Variants in AFF4 observed in about 807,000 individuals in gnomAD.
AFF4 encodes ALF transcription elongation factor 4, also known as AF4/FMR2 family member 4.
AFF4 carries 13 observed loss-of-function variants against 124.8 expected under a neutral mutation model. That is an observed-to-expected ratio of 0.10 (90% CI 0.07 to 0.17). The LOEUF is 0.17. Ranked by LOEUF, AFF4 falls within the 10% of genes least tolerant of loss-of-function variation. The probability of loss-of-function intolerance (pLI) is 1.00; values close to 1 mark genes in which losing one functional copy is unlikely to be tolerated. For missense variants in AFF4, 1,092 were observed against 1,403.8 expected, an observed-to-expected ratio of 0.78 and a Z score of 3.55; for synonymous variants, 477 against 496.1, an observed-to-expected ratio of 0.96 and a Z score of 0.51.
intron 1 of AFF4, among the ~76,000 whole-genome samples, chr5:132,959,734 TAAC>T (rs550360493): frequency 5.8e-4 from 86 of 148,800 alleles, no homozygotes; most frequent in African/African-American, 1.6e-3. Flanking sequence ...TATAGGGAGT[TAAC>T]AACAAGTAGG....
chr5:132,908,445 T>C (rs1055468013), intron 5 of AFF4, among the ~76,000 whole-genome samples: 1 of 152,042 alleles, frequency 6.6e-6, no homozygotes, highest in Non-Finnish European at 1.5e-5. Context: ...AGTAACAAAA[T>C]TTCAGTCCTA....
At chr5:132,950,839 A>AT (rs1267300898) in intron 1 of AFF4, among the ~76,000 whole-genome samples, 4 of 152,078 alleles carry the variant, frequency 2.6e-5, no homozygotes, top group Non-Finnish European at 1.5e-5. Flanking sequence ...AGCAGTTGCG[A>AT]TTTTTTCTCC....
At chr5:132,956,647 A>AG (rs1196717321) in intron 1 of AFF4, among the ~76,000 whole-genome samples, 4 of 151,506 alleles carry the variant, frequency 2.6e-5, no homozygotes, top group East Asian at 1.9e-4. Context: ...AAAAAAAAAA[A>AG]AGAGAGAGCG....
intron 10 of AFF4, 69 bp from the exon 11 acceptor site, chr5:132,897,309 A>G (rs987869585): frequency 3.3e-6 from 5 of 1,511,946 alleles, no homozygotes; most frequent in African/African-American, 2.8e-5. Flanking sequence ...CTCCTTTACA[A>G]CCTCAAAGAA....
chr5:132,887,914 T>C lies in AFF4; in HGVS notation c.2865A>G (p.Ala955=), dbSNP rs1248973012. The C allele has an allele frequency of 1.9e-6, 3 of 1,613,768 alleles. No homozygotes were observed. Among genetic ancestry groups the C allele is most frequent in the African/African-American group, 2.7e-5 (2 of 74,920 alleles). Residue 955 remains alanine (A), a synonymous_variant, in exon 16 of 21, where the codon GCA becomes GCG. Coordinates refer to ENST00000265343, the MANE Select transcript of AFF4 (RefSeq NM_014423.4). ...AVVSFIECGN[A]LEKNAQESKS... ...TGGATTCCTGAGCATTCTTCTCTAA[T>C]GCATTCCCACATTCAATGAAAGATA...
chr5:132,928,755 G>A (rs1761236609), intron 4 of AFF4, among the ~76,000 whole-genome samples: 1 of 152,158 alleles, frequency 6.6e-6, no homozygotes, highest in African/African-American at 2.4e-5. Flanking sequence ...AGACAAATCA[G>A]TCTACGTCCT....
In AFF4 at chr5:132,877,123, A is replaced by G. The variant is rs983293459; in HGVS notation, c.*3936T>C. 2.4e-5 allele frequency: 5 copies of G among 205,644 alleles called. No homozygotes were observed. Among genetic ancestry groups the G allele is most frequent in the African/African-American group, 6.8e-5 (3 of 43,824 alleles). 12.7% of individuals were successfully genotyped at this position (205,644 alleles called of 1,614,324 possible). On this transcript the variant is annotated 3_prime_UTR_variant, in exon 21 of 21. Coordinates refer to ENST00000265343, the MANE Select transcript of AFF4 (RefSeq NM_014423.4). The stretch of plus-strand genomic sequence containing the variant: ...GGGTTTGAAATGCTCTGTCTCCCCA[A>G]GTTACTTAGGTTTTTTAAAAAACAT...
chr5:132,898,588 A>G (rs1760471317), intron 9 of AFF4, among the ~76,000 whole-genome samples, 196 bp from the exon 10 acceptor site: 1 of 151,912 alleles, frequency 6.6e-6, no homozygotes, highest in South Asian at 2.1e-4. Context: ...GGTTCAAGCA[A>G]TTCTCCTGTC....
rs751603797 is a variant in AFF4, at chr5:132,884,940, T to C, written c.3143+136A>G. The C allele has an allele frequency of 5.2e-6, 3 of 573,788 alleles. No homozygotes were observed. In the South Asian group the frequency reaches 6.6e-5, roughly 13 times the overall value. The allele number at this position is 573,788 out of a possible 1,614,324, so 35.5% of individuals were successfully genotyped here. A position where few individuals can be genotyped will look rare whatever the true frequency, so the allele number is the denominator to read the frequency against. ...CCTAAAAAATACAGAGAAAAAATTA[T>C]AACTTCTAAAAATATTTTATCAGAG... On this transcript the variant is annotated intron_variant, in intron 19 of 20. Coordinates refer to ENST00000265343, the MANE Select transcript of AFF4 (RefSeq NM_014423.4).
At position 132,936,266 on chromosome 5, in the gene AFF4, CAAAAAAAAAAA is replaced by C. The variant is rs747936348; in HGVS notation, c.123+790_123+800del. Among the ~76,000 whole-genome samples, 134 of 45,458 alleles carry C rather than the reference CAAAAAAAAAAA, an allele frequency of 2.9e-3. 1 individual carries two copies. Among genetic ancestry groups the C allele is most frequent in the African/African-American group, 0.01 (117 of 11,328 alleles). The allele number at this position is 45,458 out of a possible 152,430, so 29.8% of individuals were successfully genotyped here. On this transcript the variant is annotated intron_variant, in intron 2 of 20. Coordinates refer to ENST00000265343, the MANE Select transcript of AFF4 (RefSeq NM_014423.4). ...TGGGCGACAGAGCAAGACTCCGTCT[CAAAAAAAAAAA>C]AAAAAAAAAAAAAAAATTAACTTCC... is the stretch of plus-strand genomic sequence containing the variant.
At chr5:132,910,878 G>A (rs954791607) in intron 5 of AFF4, among the ~76,000 whole-genome samples, 2 of 152,138 alleles carry the variant, frequency 1.3e-5, no homozygotes, top group Admixed American at 1.3e-4. Flanking sequence ...CAAGAACACT[G>A]CTGGAGGTTG....
chr5:132,927,032 G>T lies in AFF4; in HGVS notation c.1050+89C>A. 5 of 1,076,442 alleles carry T rather than the reference G, an allele frequency of 4.6e-6. No individual in the cohort carries two copies. In the Admixed American group the frequency reaches 9.1e-5, roughly 20 times the overall value. 66.7% of individuals were successfully genotyped at this position (1,076,442 alleles called of 1,614,324 possible). On this transcript the variant is annotated intron_variant, in intron 5 of 20. Transcript: ENST00000265343. ...TACTGTCTGTCTCCCACTAGAATAG[G>T]AATGGCAAGACAATTTTTAATCCAT...
intron 1 of AFF4, among the ~76,000 whole-genome samples, chr5:132,960,233 A>C (rs1248345205): frequency 2.0e-5 from 3 of 152,214 alleles, no homozygotes; most frequent in African/African-American, 7.2e-5. Context: ...GGAATGGGTA[A>C]AACATAATAA....
At chr5:132,888,234 T>G (rs1207430490) in intron 14 of AFF4, 74 bp from the exon 15 acceptor site, 3 of 1,161,624 alleles carry the variant, frequency 2.6e-6, no homozygotes, top group Non-Finnish European at 3.6e-6. Context: ...GTATCTAGTA[T>G]CCCTCAGTTT....
chr5:132,939,843 ACATCAGGTGATCTGCCTGCCTTGGCCTCT>A (rs1229059221), intron 1 of AFF4, among the ~76,000 whole-genome samples: 2 of 152,224 alleles, frequency 1.3e-5, no homozygotes, highest in African/African-American at 4.8e-5. Context: ...CAAACTCCAG[ACATCAGGTGATCTGCCTGCCTTGGCCTCT>A]CAAAGTGCTG....
At chr5:132,916,068 A>G (rs2150085336) in intron 5 of AFF4, among the ~76,000 whole-genome samples, 1 of 151,714 alleles carries the variant, frequency 6.6e-6, no homozygotes, top group East Asian at 1.9e-4. Flanking sequence ...AACACTGGGA[A>G]ACCCTGTCTC....
At position 132,896,423 on chromosome 5, in the gene AFF4, G is replaced by T. The variant is rs771044846; in HGVS notation, c.2207C>A (p.Pro736Gln). Reference sequence around the variant, plus strand: ...CACATTTTTCTTTTCCCCCTTGGGCGGCTCTGTTTCTTTGTAAGGCTTTCC... The same window carrying T: ...CACATTTTTCTTTTCCCCCTTGGGCTGCTCTGTTTCTTTGTAAGGCTTTCC... ...IPGKPYKETE[P>Q]PKGEKKNVPE... Residue 736 changes from proline (P) to glutamine (Q), a missense_variant, in exon 11 of 21, where the codon CCG becomes CAG. Physicochemically the swap from Pro to Gln is moderately conservative, Grantham distance 76. Coordinates refer to ENST00000265343, the MANE Select transcript of AFF4 (RefSeq NM_014423.4). The T allele has an allele frequency of 4.3e-6, 7 of 1,614,000 alleles. No individual in the cohort carries two copies. Among genetic ancestry groups the T allele is most frequent in the Non-Finnish European group, 5.9e-6 (7 of 1,180,016 alleles).
chr5:132,961,276 A>T (rs1200316716), intron 1 of AFF4, among the ~76,000 whole-genome samples: 1 of 152,054 alleles, frequency 6.6e-6, no homozygotes, highest in Non-Finnish European at 1.5e-5. Context: ...CAGCCTCTGG[A>T]GTAGCTGGGA....
Position 132,932,199 on chromosome 5 carries a change from G to A in AFF4, c.942C>T (p.Ser314=). ...TTACTTTTAGGATTTCATCCACACA[G>A]CTCACATCACCAGAAGCTGATGCCT... The part of the protein sequence containing the change: ...PLDASASGDV[S]CVDEILKEMT... Residue 314 remains serine, a synonymous_variant, in exon 4 of 21, where the codon AGC becomes AGT. Transcript: ENST00000265343. 1.9e-6 allele frequency: 3 copies of A among 1,605,652 alleles called. No homozygotes were observed. Among genetic ancestry groups the A allele is most frequent in the Non-Finnish European group, 2.5e-6 (3 of 1,176,614 alleles).
Sources: gnomAD v4.1 joint callset for allele counts (sites outside exome capture counted in the v4.1 genomes callset) on GRCh38, gnomAD v4.1.1 for gene constraint, MANE v1.5 for transcripts, NCBI Gene and HGNC (gene_info 2026-07-23, HGNC 2026-07-21) for gene names.